TENM1: variants seen among roughly 807,000 people sequenced by gnomAD.
The protein encoded by TENM1 is teneurin transmembrane protein 1, also known as teneurin-1.
In TENM1, 35 loss-of-function variants were observed where a neutral mutation model predicts 174.8. The observed-to-expected ratio is 0.20, with a 90% CI of 0.15 to 0.27. The LOEUF (loss-of-function observed/expected upper bound fraction) is 0.27. TENM1 is among the 10% of genes least tolerant of loss of function. The probability of loss-of-function intolerance (pLI) is 1.00; values close to 1 mark genes in which losing one functional copy is unlikely to be tolerated. For missense variants in TENM1, 1,633 were observed against 2,130.1 expected, an observed-to-expected ratio of 0.77 and a Z score of 4.59; for synonymous variants, 781 against 798.7, an observed-to-expected ratio of 0.98 and a Z score of 0.37.
chrX:125,080,214 T>C, the TENM1 span, among the ~76,000 whole-genome samples: 4 of 110,869 alleles, frequency 3.6e-5, no homozygotes, highest in Non-Finnish European at 5.7e-5. Flanking sequence ...AGTGAAAGGG[T>C]GAAATTAATA....
chrX:124,763,309 T>C (rs1163325628), intron 3 of TENM1, among the ~76,000 whole-genome samples: 3 of 111,372 alleles, frequency 2.7e-5, no homozygotes, highest in African/African-American at 3.3e-5. Flanking sequence ...GAAGTAAATA[T>C]AACAATTAAG....
intron 5 of TENM1, among the ~76,000 whole-genome samples, chrX:124,689,666 T>TA (rs2052467320): frequency 9.0e-6 from 1 of 110,863 alleles, no homozygotes; most frequent in Admixed American, 9.6e-5. Flanking sequence ...TTCCTATATG[T>TA]AAAGTAGAAA....
At position 124,523,242 on chromosome X, in the gene TENM1, C is replaced by T. The variant is rs185441695; in HGVS notation, c.3033+122G>A. ...AAAAACATTTGAAGACTTCTCTTGACAAATAAAGGGCAGCACATTATAAGG... is the reference window on the plus strand; with the variant it reads ...AAAAACATTTGAAGACTTCTCTTGATAAATAAAGGGCAGCACATTATAAGG... On this transcript the variant is annotated intron_variant, in intron 17 of 31. Coordinates refer to ENST00000422452, the Ensembl canonical transcript of TENM1. 56 of 771,994 alleles carry T rather than the reference C, an allele frequency of 7.3e-5. No individual in the cohort carries two copies. In the African/African-American group the frequency reaches 1.1e-3, roughly 15 times the overall value. The allele number at this position is 771,994 out of a possible 1,213,427, so 63.6% of individuals were successfully genotyped here. A position where few individuals can be genotyped will look rare whatever the true frequency, so the allele number is the denominator to read the frequency against.
At chrX:124,626,197 G>A (rs956782667) in intron 11 of TENM1, among the ~76,000 whole-genome samples, 2 of 110,641 alleles carry the variant, frequency 1.8e-5, no homozygotes, top group Admixed American at 9.6e-5. Flanking sequence ...AGAAGCTTCA[G>A]CAGACAACCT....
the TENM1 span, among the ~76,000 whole-genome samples, chrX:125,147,961 T>A: frequency 8.9e-6 from 1 of 111,775 alleles, no homozygotes; most frequent in Admixed American, 9.5e-5. Flanking sequence ...CATAGAGAAA[T>A]CAAGTCGTCA....
intron 1 of TENM1, among the ~76,000 whole-genome samples, chrX:124,909,071 C>A (rs2057795466): frequency 8.9e-6 from 1 of 111,841 alleles, no homozygotes; most frequent in African/African-American, 3.2e-5. Flanking sequence ...ATTGGCCAGG[C>A]TGGTCTCGAA....
chrX:124,884,976 C>T lies in TENM1; in HGVS notation c.535+9320G>A, dbSNP rs186056345. ...TGTTGCTAGGCTACAAACCTGTAAG[C>T]ATGTTATTAATACTTCACCGAATAT... On this transcript the variant is annotated intron_variant, in intron 3 of 31. Coordinates refer to ENST00000422452, the Ensembl canonical transcript of TENM1. Among the ~76,000 whole-genome samples the T allele has an allele frequency of 4.5e-5, 5 of 111,745 alleles. No homozygotes were observed. In the East Asian group the frequency reaches 1.4e-3, roughly 31 times the overall value.
chrX:124,883,682 T>C (rs1408085272), intron 3 of TENM1, among the ~76,000 whole-genome samples: 1 of 112,119 alleles, frequency 8.9e-6, no homozygotes, highest in Non-Finnish European at 1.9e-5. Flanking sequence ...TTCCAAGTGA[T>C]CTGTGCTTGT....
chrX:124,419,722 T>C (rs1392792479), intron 25 of TENM1, among the ~76,000 whole-genome samples: 1 of 112,079 alleles, frequency 8.9e-6, no homozygotes, highest in Non-Finnish European at 1.9e-5. Context: ...GTACAGAGCA[T>C]TTGGCTCTTC....
chrX:124,526,298 T>C (rs1460245563), intron 16 of TENM1, among the ~76,000 whole-genome samples: 1 of 112,116 alleles, frequency 8.9e-6, no homozygotes, highest in Non-Finnish European at 1.9e-5. Context: ...GCCCGACAGA[T>C]TTCAGACTTG....
At chrX:124,904,967 T>C (rs1248483677) in intron 1 of TENM1, among the ~76,000 whole-genome samples, 2 of 111,431 alleles carry the variant, frequency 1.8e-5, no homozygotes, top group African/African-American at 6.5e-5. Flanking sequence ...TATGTAGCTC[T>C]TCTGACAGCC....
At chrX:125,194,546 C>A in the TENM1 span, among the ~76,000 whole-genome samples, 25 of 111,798 alleles carry the variant, frequency 2.2e-4, no homozygotes, top group African/African-American at 8.1e-4. Context: ...TCAGTTGACA[C>A]TACTACAACA....
In TENM1 at chrX:124,381,247, G is replaced by A; in HGVS notation, c.7488C>T (p.Phe2496=). The A allele has an allele frequency of 3.3e-6, 4 of 1,202,162 alleles. No homozygotes were observed. In the South Asian group the frequency reaches 5.3e-5, roughly 16 times the overall value. The change falls in exon 32 of 32, where the codon TTC becomes TTT. Residue 2496 remains phenylalanine, a synonymous_variant. Coordinates refer to ENST00000422452, the Ensembl canonical transcript of TENM1. ...TCATAGGTAGTTGGTCCAAGGAAAT[G>A]AAATTCCTGAGCTGTTTCTGGAGTT...
the TENM1 span, among the ~76,000 whole-genome samples, chrX:125,178,005 T>C: frequency 1.8e-5 from 2 of 111,775 alleles, no homozygotes; most frequent in Non-Finnish European, 3.8e-5. Flanking sequence ...AGAAACTGAA[T>C]TGAGTCTACA....
the TENM1 span, among the ~76,000 whole-genome samples, chrX:125,161,048 A>AC: frequency 1.7e-4 from 18 of 107,588 alleles, no homozygotes; most frequent in African/African-American, 5.8e-4. Flanking sequence ...GTAAAAAAAA[A>AC]AAAAAAAAAA....
intron 3 of TENM1, among the ~76,000 whole-genome samples, chrX:124,893,306 A>G (rs1250624732): frequency 1.8e-5 from 2 of 112,723 alleles, no homozygotes; most frequent in African/African-American, 3.2e-5. Flanking sequence ...AAAGCAAAGC[A>G]TACTTGGAAA....
intron 11 of TENM1, among the ~76,000 whole-genome samples, chrX:124,586,120 T>A (rs1229539634): frequency 9.1e-6 from 1 of 109,978 alleles, no homozygotes; most frequent in Non-Finnish European, 1.9e-5. Context: ...AAGGAGGAAC[T>A]GGTACCATTC....
At chrX:124,779,743 A>C (rs1203362141) in intron 3 of TENM1, among the ~76,000 whole-genome samples, 1 of 112,033 alleles carries the variant, frequency 8.9e-6, no homozygotes, top group Non-Finnish European at 1.9e-5. Flanking sequence ...TGGCAGTAGC[A>C]ATTCCCACTC....
intron 3 of TENM1, among the ~76,000 whole-genome samples, chrX:124,863,100 T>C (rs1468665195): frequency 1.9e-5 from 2 of 108,019 alleles, no homozygotes; most frequent in Non-Finnish European, 3.8e-5. Context: ...TGAAGAGCCT[T>C]TGGACCCCAA....
Sources: allele counts gnomAD v4.1 joint callset (sites outside exome capture counted in the v4.1 genomes callset), GRCh38; gene constraint gnomAD v4.1.1; transcripts MANE v1.5; gene names NCBI Gene and HGNC (gene_info 2026-07-23, HGNC 2026-07-21).